DPF3: variants seen among roughly 807,000 people sequenced by gnomAD.
DPF3 encodes double PHD fingers 3, also known as zinc finger protein DPF3.
A neutral mutation model predicts 56.8 loss-of-function variants in DPF3; 18 were observed. The observed-to-expected ratio is 0.32, with a 90% CI of 0.22 to 0.47. The LOEUF (loss-of-function observed/expected upper bound fraction) is 0.47. DPF3 is among the 20% of genes least tolerant of loss of function. DPF3 has a pLI of 1.00. For synonymous variants in DPF3, 188 were observed against 180.2 expected, an observed-to-expected ratio of 1.04 and a Z score of -0.35; for missense variants, 403 against 488.8, an observed-to-expected ratio of 0.82 and a Z score of 1.65.
At chr14:72,720,668 A>G (rs979050301) in intron 5 of DPF3, among the ~76,000 whole-genome samples, 1 of 152,234 alleles carries the variant, frequency 6.6e-6, no homozygotes, top group Non-Finnish European at 1.5e-5. Flanking sequence ...CATTGGCTAT[A>G]TGCTGGGCCC....
intron 1 of DPF3, among the ~76,000 whole-genome samples, chr14:72,873,176 G>A (rs1474264292): frequency 6.6e-6 from 1 of 152,020 alleles, no homozygotes; most frequent in East Asian, 1.9e-4. Flanking sequence ...CTACTCATCT[G>A]ACAAAGGGCT....
At chr14:72,770,094 T>G (rs1282222719) in intron 2 of DPF3, among the ~76,000 whole-genome samples, 2 of 152,290 alleles carry the variant, frequency 1.3e-5, no homozygotes, top group East Asian at 3.9e-4. Context: ...GCAATTATCA[T>G]GAAGGGCTGC....
At chr14:72,689,275 A>C (rs2153572564) in intron 7 of DPF3, among the ~76,000 whole-genome samples, 1 of 152,164 alleles carries the variant, frequency 6.6e-6, no homozygotes, top group South Asian at 2.1e-4. Context: ...GGTGGTGCAA[A>C]CCCAGCTGCC....
At position 72,802,082 on chromosome 14, in the gene DPF3, T is replaced by C. The variant is rs116409962; in HGVS notation, c.33-30189A>G. Among the ~76,000 whole-genome samples, 1,465 of 152,218 alleles carry C rather than the reference T, an allele frequency of 9.6e-3. 28 individuals carry two copies. The highest frequency in any genetic ancestry group is 0.034 in the African/African-American group (1,392 of 41,512). On this transcript the variant is annotated intron_variant, in intron 1 of 10. Coordinates refer to ENST00000556509, the MANE Select transcript of DPF3 (RefSeq NM_001280542.3). ...TAGCAAAGAGAGTGGCACCAACAAG[T>C]GGCACCATGTGAGTGACAAGAGCAA...
chr14:72,708,481 C>T (rs933571476), intron 6 of DPF3, among the ~76,000 whole-genome samples: 3 of 152,200 alleles, frequency 2.0e-5, no homozygotes, highest in African/African-American at 7.2e-5. Context: ...GCCCAGCTTC[C>T]CTTCCGCGAC....
At chr14:72,661,453 T>C (rs778023294) in intron 8 of DPF3, 101 of 985,306 alleles carry the variant, frequency 1.0e-4, no homozygotes, top group Admixed American at 1.2e-4. Flanking sequence ...CGTGTGTTAT[T>C]ATGACTCTGC....
intron 9 of DPF3, among the ~76,000 whole-genome samples, chr14:72,626,044 G>A (rs1384386374): frequency 6.6e-6 from 1 of 152,048 alleles, no homozygotes; most frequent in African/African-American, 2.4e-5. Context: ...AGTTACTTAG[G>A]TTATTCTTTT....
Position 72,854,115 on chromosome 14 carries a change from G to C in DPF3, c.32+39942C>G, listed in dbSNP as rs577434161. ...CTCACACCTGTAATCCCAGCACTTT[G>C]GGAGGCCAAGATGGGCGGATCACTT... On this transcript the variant is annotated intron_variant, in intron 1 of 10. Transcript: ENST00000556509. 5.3e-4 allele frequency among the ~76,000 whole-genome samples: 81 copies of C among 152,322 alleles called. 1 individual carries two copies. In the East Asian group the frequency reaches 0.014, roughly 26 times the overall value.
At chr14:72,836,846 C>T (rs1449843548) in intron 1 of DPF3, among the ~76,000 whole-genome samples, 1 of 152,016 alleles carries the variant, frequency 6.6e-6, no homozygotes, top group Admixed American at 6.6e-5. Context: ...GATCCAATCA[C>T]CTTTACTTAA....
At chr14:72,753,478 A>C (rs1890663984) in intron 2 of DPF3, 107 bp from the exon 3 acceptor site, 3 of 916,806 alleles carry the variant, frequency 3.3e-6, no homozygotes, top group Non-Finnish European at 4.8e-6. Context: ...TGAAGCCCAG[A>C]GAGAAGTGAC....
At chr14:72,880,841 C>G (rs1383497507) in intron 1 of DPF3, among the ~76,000 whole-genome samples, 2 of 152,218 alleles carry the variant, frequency 1.3e-5, no homozygotes, top group African/African-American at 4.8e-5. Context: ...TTGCACCCAG[C>G]TGGAAAGTGT....
At chr14:72,814,763 T>C (rs1020158266) in intron 1 of DPF3, among the ~76,000 whole-genome samples, 1 of 150,902 alleles carries the variant, frequency 6.6e-6, no homozygotes, top group Admixed American at 6.6e-5. Context: ...TGAGCCGAGA[T>C]CGCGCCACTG....
chr14:72,841,300 G>C (rs1438488479), intron 1 of DPF3, among the ~76,000 whole-genome samples: 2 of 152,142 alleles, frequency 1.3e-5, no homozygotes, highest in East Asian at 3.8e-4. Context: ...TGAAACACCT[G>C]GTACTGTGGT....
intron 8 of DPF3, among the ~76,000 whole-genome samples, chr14:72,665,086 C>T (rs1325375400): frequency 2.0e-5 from 3 of 152,162 alleles, no homozygotes; most frequent in East Asian, 1.9e-4. Context: ...TCAACAGCAA[C>T]GGTCCATCTG....
At chr14:72,657,259 T>C (rs1030400496) in intron 8 of DPF3, among the ~76,000 whole-genome samples, 1 of 152,200 alleles carries the variant, frequency 6.6e-6, no homozygotes, top group Non-Finnish European at 1.5e-5. Flanking sequence ...TTGTCTCCTA[T>C]CATTTGTCTC....
At chr14:72,888,854 G>A (rs1199047163) in intron 1 of DPF3, among the ~76,000 whole-genome samples, 1 of 152,164 alleles carries the variant, frequency 6.6e-6, no homozygotes, top group Non-Finnish European at 1.5e-5. Flanking sequence ...CAGAGGTTGG[G>A]ATAATAAACA....
At chr14:72,776,559 A>G (rs1322411302) in intron 1 of DPF3, among the ~76,000 whole-genome samples, 1 of 152,102 alleles carries the variant, frequency 6.6e-6, no homozygotes, top group Non-Finnish European at 1.5e-5. Context: ...GACTTCTCCA[A>G]AGTGACTGCC....
At chr14:72,764,557 C>T (rs1016579244) in intron 2 of DPF3, among the ~76,000 whole-genome samples, 1 of 128,162 alleles carries the variant, frequency 7.8e-6, no homozygotes, top group Non-Finnish European at 1.6e-5. Context: ...GGCACGAACT[C>T]GGCTCACTGC....
At chr14:72,663,969 C>T (rs980094758) in intron 8 of DPF3, among the ~76,000 whole-genome samples, 1 of 152,056 alleles carries the variant, frequency 6.6e-6, no homozygotes, top group Non-Finnish European at 1.5e-5. Flanking sequence ...CCAAGTCCTC[C>T]CTCCACACCT....
Sources: allele counts gnomAD v4.1 joint callset (sites outside exome capture counted in the v4.1 genomes callset), GRCh38; gene constraint gnomAD v4.1.1; transcripts MANE v1.5; gene names NCBI Gene and HGNC (gene_info 2026-07-23, HGNC 2026-07-21).